The following AKT3 variants were observed in gnomAD, a reference collection of about 807,000 sequenced individuals.
AKT3 encodes the protein AKT serine/threonine kinase 3.
A neutral mutation model predicts 65.3 loss-of-function variants in AKT3; 15 were observed. The observed-to-expected ratio is 0.23, with a 90% CI of 0.15 to 0.35. AKT3 has a LOEUF of 0.35. Among genes scored for constraint, AKT3 ranks in the 10% least tolerant of loss-of-function variants. AKT3 has a pLI of 1.00. For missense variants in AKT3, 243 were observed against 576.5 expected, an observed-to-expected ratio of 0.42 and a Z score of 5.92; for synonymous variants, 206 against 183.8, an observed-to-expected ratio of 1.12 and a Z score of -0.98.
intron 8 of AKT3, 128 bp from the exon 9 acceptor site, chr1:243,573,176 G>T: frequency 3.6e-6 from 4 of 1,117,442 alleles, no homozygotes; most frequent in Non-Finnish European, 5.0e-6. Context: ...TGGACACTGA[G>T]CACTCTTAGA....
intron 9 of AKT3, among the ~76,000 whole-genome samples, chr1:243,572,022 A>C (rs964679597): frequency 6.6e-6 from 1 of 152,238 alleles, no homozygotes; most frequent in African/African-American, 2.4e-5. Flanking sequence ...TTGATCAATA[A>C]GGCAATTCTG....
At chr1:243,695,118 T>C (rs1684978417) in intron 3 of AKT3, among the ~76,000 whole-genome samples, 2 of 151,968 alleles carry the variant, frequency 1.3e-5, no homozygotes, top group African/African-American at 2.4e-5. Context: ...TTTTGTTAGA[T>C]ATTTGTAAGG....
chr1:243,515,096 G>A (rs1205357881), intron 12 of AKT3, among the ~76,000 whole-genome samples: 1 of 152,100 alleles, frequency 6.6e-6, no homozygotes, highest in East Asian at 1.9e-4. Flanking sequence ...TTATTACTTT[G>A]ATATTCATCC....
In AKT3 at chr1:243,547,262, ATAAC is replaced by A. The variant is rs1333673425; in HGVS notation, c.1164-1669_1164-1666del. Among the ~76,000 whole-genome samples, 4 of 152,352 alleles carry A rather than the reference ATAAC, an allele frequency of 2.6e-5. No individual in the cohort carries two copies. The East Asian group carries it at 5.8e-4, about 22-fold the overall frequency. ...TTATGTCCAAACAGATACAGCAGACATAACTAATCTCAAAAATACAGATAACAGT... is the reference window on the plus strand; with the variant it reads ...TTATGTCCAAACAGATACAGCAGACATAATCTCAAAAATACAGATAACAGT... On this transcript the variant is annotated intron_variant, in intron 11 of 13. Transcript: ENST00000673466.
At chr1:243,719,093 CATTT>C (rs1468955878) in intron 2 of AKT3, among the ~76,000 whole-genome samples, 2 of 152,168 alleles carry the variant, frequency 1.3e-5, no homozygotes, top group East Asian at 3.9e-4. Context: ...CAGTTCTATT[CATTT>C]AAACATTCCA....
At chr1:243,775,678 A>C (rs1047287461) in intron 2 of AKT3, among the ~76,000 whole-genome samples, 1 of 152,230 alleles carries the variant, frequency 6.6e-6, no homozygotes, top group Admixed American at 6.5e-5. Flanking sequence ...AACTTAGAGA[A>C]GAAAAAGTCT....
At chr1:243,676,517 C>T (rs2147959688) in intron 3 of AKT3, among the ~76,000 whole-genome samples, 1 of 152,292 alleles carries the variant, frequency 6.6e-6, no homozygotes, top group South Asian at 2.1e-4. Flanking sequence ...CATCAAGCTC[C>T]ATCCCCATAT....
intron 3 of AKT3, among the ~76,000 whole-genome samples, chr1:243,684,911 T>A (rs1050109141): frequency 6.6e-6 from 1 of 152,232 alleles, no homozygotes; most frequent in Non-Finnish European, 1.5e-5. Context: ...TGACCAGTGA[T>A]GATGAGCTTT....
At chr1:243,642,058 A>T (rs991393275) in intron 5 of AKT3, among the ~76,000 whole-genome samples, 5 of 151,968 alleles carry the variant, frequency 3.3e-5, no homozygotes, top group African/African-American at 7.3e-5. Flanking sequence ...CTCAATCTTT[A>T]AAAAAAAGGG....
At chr1:243,672,194 C>G (rs191812556) in intron 3 of AKT3, among the ~76,000 whole-genome samples, 1 of 152,244 alleles carries the variant, frequency 6.6e-6, no homozygotes, top group East Asian at 1.9e-4. Context: ...TCTCGTTTCT[C>G]CAGGTAGGAG....
At chr1:243,491,175 A>G (rs1666315363) in intron 13 of AKT3, among the ~76,000 whole-genome samples, 1 of 152,164 alleles carries the variant, frequency 6.6e-6, no homozygotes, top group Non-Finnish European at 1.5e-5. Flanking sequence ...GCACACTTAG[A>G]TCTTAACATG....
intron 8 of AKT3, among the ~76,000 whole-genome samples, chr1:243,582,447 CAAAAAAAAAAAAAAA>C (rs59718769): frequency 9.8e-6 from 1 of 101,546 alleles, no homozygotes; most frequent in Non-Finnish European, 2.1e-5. Context: ...TTAGCTTTCT[CAAAAAAAAAAAAAAA>C]AAAAAAAAAG....
chr1:243,776,208 G>T (rs566958959), intron 2 of AKT3, among the ~76,000 whole-genome samples: 2 of 152,178 alleles, frequency 1.3e-5, no homozygotes, highest in African/African-American at 4.8e-5. Context: ...CGAAATTTTA[G>T]GCCAAGTCAA....
At chr1:243,818,051 T>A (rs545651949) in intron 2 of AKT3, 1 of 152,240 alleles carries the variant, frequency 6.6e-6, no homozygotes, top group Admixed American at 6.5e-5. Context: ...GGACTTACTA[T>A]GCACAAGGAA....
intron 4 of AKT3, among the ~76,000 whole-genome samples, chr1:243,653,433 C>T (rs190216989): frequency 5.7e-4 from 87 of 152,182 alleles, no homozygotes; most frequent in African/African-American, 2.0e-3. Context: ...AGGAGCTGGT[C>T]CCATTCCTTC....
intron 2 of AKT3, among the ~76,000 whole-genome samples, chr1:243,718,133 AC>A (rs1378820483): frequency 1.3e-5 from 2 of 152,034 alleles, no homozygotes; most frequent in Non-Finnish European, 2.9e-5. Flanking sequence ...CTAAAACACC[AC>A]CCAAGGCTCA....
chr1:243,571,690 A>G (rs1674577296), intron 9 of AKT3, among the ~76,000 whole-genome samples: 1 of 152,244 alleles, frequency 6.6e-6, no homozygotes, highest in African/African-American at 2.4e-5. Flanking sequence ...TCCTTTAAAG[A>G]AATTGATATT....
intron 9 of AKT3, among the ~76,000 whole-genome samples, chr1:243,571,084 T>C (rs1674524292): frequency 6.6e-6 from 1 of 151,990 alleles, no homozygotes. Flanking sequence ...TTTTGGAAGG[T>C]CGAGGCAGGC....
chr1:243,580,612 GCT>G (rs1675269072), intron 8 of AKT3, among the ~76,000 whole-genome samples: 1 of 152,176 alleles, frequency 6.6e-6, no homozygotes, highest in Admixed American at 6.5e-5. Context: ...CTAGAATTGT[GCT>G]TTCCCCACTT....
Sources: allele counts gnomAD v4.1 joint callset (sites outside exome capture counted in the v4.1 genomes callset), GRCh38; gene constraint gnomAD v4.1.1; transcripts MANE v1.5; gene names NCBI Gene and HGNC (gene_info 2026-07-23, HGNC 2026-07-21).